Variants in ZDHHC15 observed in about 807,000 individuals in gnomAD.
ZDHHC15 encodes the protein palmitoyltransferase ZDHHC15.
A neutral mutation model predicts 31.7 loss-of-function variants in ZDHHC15; 19 were observed. That is an observed-to-expected ratio of 0.60 (90% CI 0.42 to 0.88). ZDHHC15 has a LOEUF of 0.88. Ranked by LOEUF, ZDHHC15 falls within the 40% of genes least tolerant of loss-of-function variation. The pLI is 0.00. For synonymous variants in ZDHHC15, 103 were observed against 90.0 expected (o/e 1.14, Z -0.82); for missense variants, 209 against 251.2 (o/e 0.83, Z 1.14).
At chrX:75,441,132 G>A (rs1164042973) in intron 4 of ZDHHC15, among the ~76,000 whole-genome samples, 2 of 112,028 alleles carry the variant, frequency 1.8e-5, no homozygotes, top group Non-Finnish European at 3.8e-5. Flanking sequence ...TTCAGGCCCT[G>A]CCCCTCCCTG....
intron 10 of ZDHHC15, among the ~76,000 whole-genome samples, chrX:75,401,553 C>A (rs1353620182): frequency 4.5e-5 from 5 of 111,672 alleles, no homozygotes. Flanking sequence ...GAAAAATCTA[C>A]CAAGCTAATG....
In ZDHHC15 at chrX:75,373,926, G is replaced by GTTTTTTTTTTTTTTTTTTTTTTTTT. The variant is rs35704680; in HGVS notation, c.*33-982_*33-981insAAAAAAAAAAAAAAAAAAAAAAAAA. On this transcript the variant is annotated intron_variant, in intron 11 of 11. Coordinates refer to ENST00000373367, the MANE Select transcript of ZDHHC15 (RefSeq NM_144969.3). ...ATACTAGGTCTTATTCATTCTTTCT[G>GTTTTTTTTTTTTTTTTTTTTTTTTT]TTTTTTTTTTTTTTTTTTTTTTGTA... Among the ~76,000 whole-genome samples, 55 of 50,459 alleles carry GTTTTTTTTTTTTTTTTTTTTTTTTT rather than the reference G, an allele frequency of 1.1e-3. 5 individuals carry two copies. Among genetic ancestry groups the GTTTTTTTTTTTTTTTTTTTTTTTTT allele is most frequent in the South Asian group, 1.9e-3 (1 of 528 alleles). The allele number at this position is 50,459 out of a possible 115,157, so 43.8% of individuals were successfully genotyped here.
At position 75,436,521 on chromosome X, in the gene ZDHHC15, G is replaced by C. The variant is rs188831585; in HGVS notation, c.380-5001C>G. ...TGTTTTGCTGTATCCCAGAGGTTTT[G>C]ATAGGTTGTGTTACTATTATCATTC... On this transcript the variant is annotated intron_variant, in intron 4 of 11. Transcript: ENST00000373367. Among the ~76,000 whole-genome samples, 6 of 111,767 alleles carry C rather than the reference G, an allele frequency of 5.4e-5. No homozygotes were observed. In the South Asian group the frequency reaches 1.5e-3, roughly 28 times the overall value.
At chrX:75,431,921 A>G (rs767630110) in intron 4 of ZDHHC15, among the ~76,000 whole-genome samples, 1 of 112,104 alleles carries the variant, frequency 8.9e-6, no homozygotes, top group Admixed American at 9.5e-5. Context: ...TATGTGGTGG[A>G]TAACACTCCT....
intron 7 of ZDHHC15, among the ~76,000 whole-genome samples, chrX:75,425,674 C>G (rs1004775915): frequency 1.8e-5 from 2 of 111,903 alleles, no homozygotes; most frequent in South Asian, 7.4e-4. Context: ...TGATGAATCA[C>G]TTTGAAATAT....
intron 9 of ZDHHC15, among the ~76,000 whole-genome samples, chrX:75,418,489 T>C (rs897885800): frequency 8.9e-6 from 1 of 112,228 alleles, no homozygotes; most frequent in Non-Finnish European, 1.9e-5. Context: ...CAAGCTTGAC[T>C]GTTTATTTCT....
chrX:75,500,319 C>A (rs1197298337), intron 2 of ZDHHC15, among the ~76,000 whole-genome samples: 3 of 109,064 alleles, frequency 2.8e-5, no homozygotes, highest in Admixed American at 1.0e-4. Context: ...TATACCCATA[C>A]TATGAAATAC....
chrX:75,495,705 C>G (rs1327774704), intron 2 of ZDHHC15, among the ~76,000 whole-genome samples: 1 of 101,108 alleles, frequency 9.9e-6, no homozygotes, highest in Non-Finnish European at 2.0e-5. Flanking sequence ...ACCGCATGTT[C>G]TCACTCATAG....
At chrX:75,499,653 G>A (rs988597090) in intron 2 of ZDHHC15, among the ~76,000 whole-genome samples, 8 of 111,620 alleles carry the variant, frequency 7.2e-5, no homozygotes, top group African/African-American at 9.8e-5. Context: ...GTGGTAAAAA[G>A]GGAACACTTT....
chrX:75,463,478 T>A (rs941587127), intron 3 of ZDHHC15, among the ~76,000 whole-genome samples: 5 of 110,452 alleles, frequency 4.5e-5, no homozygotes, highest in Admixed American at 9.8e-5. Context: ...GAAACTACCA[T>A]CAGAGTGAAC....
At position 75,370,523 on chromosome X, in the gene ZDHHC15, C is replaced by CTTTTTTT. The variant is rs201758247; in HGVS notation, c.*2448_*2454dup. On this transcript the variant is annotated 3_prime_UTR_variant, in exon 12 of 12. Transcript: ENST00000373367. The stretch of plus-strand genomic sequence containing the variant: ...CCTGGTAAAACCCTGATTTATTTGG[C>CTTTTTTT]TTTTTTTTTTTTTTTTTTTTTTTTT... 4 of 81,253 alleles carry CTTTTTTT rather than the reference C, an allele frequency of 4.9e-5. No homozygotes were observed. Among genetic ancestry groups the CTTTTTTT allele is most frequent in the African/African-American group, 2.1e-4 (4 of 19,120 alleles). The allele number at this position is 81,253 out of a possible 1,213,427, so 6.7% of individuals were successfully genotyped here.
chrX:75,407,690 C>T (rs773368177), intron 10 of ZDHHC15, among the ~76,000 whole-genome samples: 55 of 112,145 alleles, frequency 4.9e-4, no homozygotes, highest in African/African-American at 1.1e-3. Flanking sequence ...TCTGCCCGGC[C>T]GCCACCCCAT....
At chrX:75,441,856 C>T (rs1251127000) in intron 4 of ZDHHC15, among the ~76,000 whole-genome samples, 1 of 110,297 alleles carries the variant, frequency 9.1e-6, no homozygotes, top group African/African-American at 3.3e-5. Context: ...ATCTCCTGAT[C>T]TCGTGATCCA....
chrX:75,486,092 T>G (rs753420488), intron 2 of ZDHHC15, among the ~76,000 whole-genome samples: 1 of 112,131 alleles, frequency 8.9e-6, no homozygotes, highest in African/African-American at 3.2e-5. Flanking sequence ...GCAAATGCCA[T>G]GAGACAGCTG....
At chrX:75,495,989 C>T (rs567176991) in intron 2 of ZDHHC15, among the ~76,000 whole-genome samples, 5 of 105,829 alleles carry the variant, frequency 4.7e-5, no homozygotes, top group East Asian at 5.9e-4. Context: ...ATGAATAGAA[C>T]ATTAGTTCAC....
intron 3 of ZDHHC15, among the ~76,000 whole-genome samples, chrX:75,451,348 C>A (rs991220074): frequency 8.9e-6 from 1 of 112,166 alleles, no homozygotes; most frequent in Admixed American, 9.5e-5. Context: ...AGAGTTTTCA[C>A]AGGTAACACT....
chrX:75,441,615 G>A (rs895114810), intron 4 of ZDHHC15, among the ~76,000 whole-genome samples: 3 of 103,664 alleles, frequency 2.9e-5, no homozygotes, highest in African/African-American at 7.1e-5. Context: ...TGTTCCTGTG[G>A]TAGTTCTTTT....
intron 10 of ZDHHC15, among the ~76,000 whole-genome samples, chrX:75,399,471 C>T (rs777748755): frequency 9.8e-5 from 11 of 112,206 alleles, no homozygotes; most frequent in Non-Finnish European, 1.7e-4. Context: ...CAGGGAACCC[C>T]TGGCTTGGGC....
rs1041765325 is a variant in ZDHHC15 at position 75,377,176 on chromosome X, C to T, written c.*32+1944G>A. 8.1e-5 allele frequency among the ~76,000 whole-genome samples: 9 copies of T among 111,192 alleles called. No individual in the cohort carries two copies. In the Admixed American group the frequency reaches 8.7e-4, roughly 11 times the overall value. Reference sequence around the variant, plus strand: ...TAAGTTTTAAAAGGTTTCTCCCACTCTTCCCTCCTGTGTTCCCAAGTACTT... The same window carrying T: ...TAAGTTTTAAAAGGTTTCTCCCACTTTTCCCTCCTGTGTTCCCAAGTACTT... On this transcript the variant is annotated intron_variant, in intron 11 of 11. Coordinates refer to ENST00000373367, the MANE Select transcript of ZDHHC15 (RefSeq NM_144969.3).
Sources: allele counts gnomAD v4.1 joint callset (sites outside exome capture counted in the v4.1 genomes callset), GRCh38; gene constraint gnomAD v4.1.1; transcripts MANE v1.5; gene names NCBI Gene and HGNC (gene_info 2026-07-23, HGNC 2026-07-21).